MAN1A1: variants seen among roughly 807,000 people sequenced by gnomAD.
MAN1A1 encodes the protein mannosidase alpha class 1A member 1.
In MAN1A1, 29 loss-of-function variants were observed where a neutral mutation model predicts 70.8. That is an observed-to-expected ratio of 0.41 (90% CI 0.31 to 0.56). MAN1A1 has a LOEUF of 0.56. Among genes scored for constraint, MAN1A1 ranks in the 20% least tolerant of loss-of-function variants. The pLI is 0.29. For synonymous variants in MAN1A1, 349 were observed against 330.1 expected, an observed-to-expected ratio of 1.06 and a Z score of -0.62; for missense variants, 747 against 841.3, an observed-to-expected ratio of 0.89 and a Z score of 1.39.
intron 5 of MAN1A1, among the ~76,000 whole-genome samples, chr6:119,250,654 G>A (rs1438233297): frequency 1.3e-5 from 2 of 148,832 alleles, no homozygotes; most frequent in Admixed American, 6.7e-5. Context: ...CTCTCTGTGT[G>A]TGTGTGTGTG....
intron 2 of MAN1A1, among the ~76,000 whole-genome samples, chr6:119,322,235 T>C (rs1384719052): frequency 6.6e-6 from 1 of 152,196 alleles, no homozygotes. Flanking sequence ...AGCTCACTGG[T>C]GTACAGCTGT....
At chr6:119,221,472 CTTT>C (rs5879491) in intron 6 of MAN1A1, among the ~76,000 whole-genome samples, 1 of 130,370 alleles carries the variant, frequency 7.7e-6, no homozygotes, top group Non-Finnish European at 1.6e-5. Flanking sequence ...ATTTTCTTTT[CTTT>C]TTTTTTTTTT....
chr6:119,208,548 G>C (rs1337320373), intron 6 of MAN1A1, among the ~76,000 whole-genome samples: 1 of 152,100 alleles, frequency 6.6e-6, no homozygotes, highest in Admixed American at 6.5e-5. Flanking sequence ...TCAAAAACAA[G>C]AAGGCATAAT....
intron 6 of MAN1A1, among the ~76,000 whole-genome samples, chr6:119,231,530 A>G (rs1774676151): frequency 6.6e-6 from 1 of 152,174 alleles, no homozygotes; most frequent in Admixed American, 6.5e-5. Context: ...CGGTGTGAGA[A>G]CAGACTAATA....
chr6:119,330,599 T>C (rs1165003481), intron 2 of MAN1A1, among the ~76,000 whole-genome samples: 2 of 152,164 alleles, frequency 1.3e-5, no homozygotes, highest in East Asian at 1.9e-4. Context: ...TTTCTGCAAC[T>C]TGAAACCCTC....
At chr6:119,319,310 A>T (rs1039988900) in intron 2 of MAN1A1, among the ~76,000 whole-genome samples, 1 of 151,590 alleles carries the variant, frequency 6.6e-6, no homozygotes, top group Non-Finnish European at 1.5e-5. Context: ...CCCTTCTGGT[A>T]GGGTTTTAAA....
intron 6 of MAN1A1, among the ~76,000 whole-genome samples, chr6:119,205,273 C>A (rs917769424): frequency 2.6e-5 from 4 of 152,102 alleles, no homozygotes; most frequent in Admixed American, 6.6e-5. Context: ...GCCTAAGAGA[C>A]CAAGGAATTT....
At chr6:119,284,860 C>T (rs1050845256) in intron 5 of MAN1A1, among the ~76,000 whole-genome samples, 1 of 151,990 alleles carries the variant, frequency 6.6e-6, no homozygotes, top group Non-Finnish European at 1.5e-5. Flanking sequence ...TTTTCATTGT[C>T]TACAGCATAT....
intron 5 of MAN1A1, among the ~76,000 whole-genome samples, chr6:119,289,460 G>A (rs1364332358): frequency 6.9e-6 from 1 of 144,662 alleles, no homozygotes; most frequent in Admixed American, 6.7e-5. Flanking sequence ...AGGGTTTTTT[G>A]GTTTTGGCTT....
intron 11 of MAN1A1, among the ~76,000 whole-genome samples, chr6:119,186,715 T>C (rs907523055): frequency 2.0e-5 from 3 of 152,194 alleles, no homozygotes; most frequent in African/African-American, 7.2e-5. Context: ...AGCCAAGTGC[T>C]GGAGGTGGGA....
chr6:119,345,306 T>G (rs908295514), intron 2 of MAN1A1, among the ~76,000 whole-genome samples: 1 of 152,154 alleles, frequency 6.6e-6, no homozygotes, highest in Non-Finnish European at 1.5e-5. Flanking sequence ...TTGTGCTTCA[T>G]TATTCTAACA....
At position 119,186,308 on chromosome 6, in the gene MAN1A1, C is replaced by T. The variant is rs144567070; in HGVS notation, c.1719+2097G>A. Among the ~76,000 whole-genome samples, 161 of 152,130 alleles carry T rather than the reference C, an allele frequency of 1.1e-3. 1 individual carries two copies. The highest frequency in any genetic ancestry group is 3.5e-3 in the Admixed American group (53 of 15,254). The stretch of plus-strand genomic sequence containing the variant: ...AAGCTGGATGAGGTGATTTTTAAGA[C>T]CCCCTATGTTTCAGTTTGCGTTCCC... On this transcript the variant is annotated intron_variant, in intron 11 of 12. Transcript: ENST00000368468.
upstream of MAN1A1, among the ~76,000 whole-genome samples, chr6:119,349,925 C>CGGCGGGGCCCGGCCGGCGGCGGGGAGGT (rs1773861215): frequency 1.3e-5 from 2 of 151,814 alleles, no homozygotes; most frequent in Non-Finnish European, 2.9e-5. Context: ...AGCGCAGCCT[C>CGGCGGGGCCCGGCCGGCGGCGGGGAGGT]GGCGGGGCCC....
chr6:119,333,916 C>T (rs1435482931), intron 2 of MAN1A1, among the ~76,000 whole-genome samples: 1 of 152,102 alleles, frequency 6.6e-6, no homozygotes, highest in East Asian at 1.9e-4. Flanking sequence ...ACCACAGAAG[C>T]AAATACACTG....
intron 11 of MAN1A1, among the ~76,000 whole-genome samples, chr6:119,183,605 TAATG>T (rs1341186348): frequency 4.6e-5 from 7 of 152,164 alleles, no homozygotes; most frequent in African/African-American, 1.4e-4. Context: ...GGTAATGAGC[TAATG>T]AGAGGGCCAG....
chr6:119,306,856 GA>G, intron 3 of MAN1A1, 39 bp downstream of exon 3: 1 of 1,361,128 alleles, frequency 7.3e-7, no homozygotes, highest in Non-Finnish European at 1.1e-6. Context: ...CAATTGGGGA[GA>G]AGTTATCGTC....
At chr6:119,287,109 T>G (rs937028907) in intron 5 of MAN1A1, among the ~76,000 whole-genome samples, 1 of 152,110 alleles carries the variant, frequency 6.6e-6, no homozygotes, top group Non-Finnish European at 1.5e-5. Context: ...TAACTGAAAC[T>G]CTGACAATTA....
chr6:119,206,387 G>C lies in MAN1A1; in HGVS notation c.993-1505C>G, dbSNP rs570031586. On this transcript the variant is annotated intron_variant, in intron 6 of 12. Transcript: ENST00000368468. ...TTTCAGTCCTGTCCTGGCGTCTGCTGCCAGGCTGCTGAGGAAGAGAGAAAC... is the reference window on the plus strand; with the variant it reads ...TTTCAGTCCTGTCCTGGCGTCTGCTCCCAGGCTGCTGAGGAAGAGAGAAAC... Among the ~76,000 whole-genome samples the C allele has an allele frequency of 2.6e-5, 4 of 152,244 alleles. No homozygotes were observed. In the East Asian group the frequency reaches 7.7e-4, roughly 29 times the overall value.
At chr6:119,223,574 T>G (rs1774424638) in intron 6 of MAN1A1, among the ~76,000 whole-genome samples, 1 of 152,130 alleles carries the variant, frequency 6.6e-6, no homozygotes, top group African/African-American at 2.4e-5. Context: ...CCAATAAAAC[T>G]TATATTCCCA....
Sources: gnomAD v4.1 joint callset for allele counts (sites outside exome capture counted in the v4.1 genomes callset) on GRCh38, gnomAD v4.1.1 for gene constraint, MANE v1.5 for transcripts, NCBI Gene and HGNC (gene_info 2026-07-23, HGNC 2026-07-21) for gene names.